HSPG2: variants seen among roughly 807,000 people sequenced by gnomAD.
The protein encoded by HSPG2 is basement membrane-specific heparan sulfate proteoglycan core protein.
HSPG2 carries 278 observed loss-of-function variants against 526.6 expected under a neutral mutation model. The observed-to-expected ratio is 0.53, with a 90% CI of 0.48 to 0.58. The LOEUF is 0.58. HSPG2 is among the 20% of genes least tolerant of loss of function. The pLI is 0.00. For synonymous variants in HSPG2, 2,465 were observed against 2,555.4 expected, an observed-to-expected ratio of 0.96 and a Z score of 1.07; for missense variants, 5,354 against 6,099.5, an observed-to-expected ratio of 0.88 and a Z score of 4.07.
In HSPG2 at chr1:21,851,830, C is replaced by T. The variant is rs2152719791; in HGVS notation, c.6967G>A (p.Val2323Ile). The T allele has an allele frequency of 6.2e-7, 1 of 1,613,656 alleles. No individual in the cohort carries two copies. The highest frequency in any genetic ancestry group is 8.5e-7 in the Non-Finnish European group (1 of 1,179,958). ...GCCCCCTGGGTCCCAGTTACTGTGACCGTGATGGAGGCCTCCATGCCGTTG... is the reference window on the plus strand; with the variant it reads ...GCCCCCTGGGTCCCAGTTACTGTGATCGTGATGGAGGCCTCCATGCCGTTG... The part of the protein sequence containing the change: ...ASNGMEASIT[V>I]TVTGTQGANL... The change falls in exon 54 of 97, where the codon GTC (valine) becomes ATC (isoleucine). Residue 2323 changes from valine to isoleucine, a missense_variant. Val to Ile is a conservative substitution (Grantham distance 29). Transcript: ENST00000374695.
At chr1:21,844,088 G>T in intron 65 of HSPG2, 60 bp downstream of exon 65, 1 of 1,596,280 alleles carries the variant, frequency 6.3e-7, no homozygotes, top group Non-Finnish European at 8.6e-7. Flanking sequence ...TTCAACGCTG[G>T]ATTCAGGCAG....
rs746070934 is a variant in HSPG2 at position 21,831,088 on chromosome 1, A to G, written c.11565T>C (p.Asn3855=). 11 of 1,605,526 alleles carry G rather than the reference A, an allele frequency of 6.9e-6. No individual in the cohort carries two copies. In the Admixed American group the frequency reaches 1.9e-4, roughly 28 times the overall value. The part of the protein sequence containing the change: ...CPTCRDRPCQ[N]GGQCHDSESS... ...TCTCAGAGTCATGGCACTGACCGCC[A>G]TTCTGCAAAGCAGCCCCCAGAAGTA... The change falls in exon 85 of 97, where the codon AAT becomes AAC. Residue 3855 remains asparagine, a splice_region_variant and synonymous_variant. Transcript: ENST00000374695.
intron 1 of HSPG2, among the ~76,000 whole-genome samples, chr1:21,905,652 G>T (rs1643342585): frequency 6.6e-6 from 1 of 152,246 alleles, no homozygotes; most frequent in Non-Finnish European, 1.5e-5. Flanking sequence ...TGAGGCAGGA[G>T]AATCACTTGA....
At chr1:21,862,453 G>A (rs1375704644) in intron 37 of HSPG2, among the ~76,000 whole-genome samples, 1 of 151,934 alleles carries the variant, frequency 6.6e-6, no homozygotes, top group Non-Finnish European at 1.5e-5. Flanking sequence ...GTATGGTGGT[G>A]TGCGTCTGTA....
Position 21,828,922 on chromosome 1 carries a change from G to T in HSPG2, c.12150C>A (p.Thr4050=). 1 of 1,566,794 alleles carries T rather than the reference G, an allele frequency of 6.4e-7. No individual in the cohort carries two copies. The highest frequency in any genetic ancestry group is 1.7e-4 in the Middle Eastern group (1 of 5,932). ...PGKSQGLNLH[T]LLYLGGVEPS... ...GCTCCACACCCCCCAGGTAGAGCAG[G>T]GTGTGCAGGTTGAGGCCCTGGCTCT... Residue 4050 remains threonine, a synonymous_variant, in exon 88 of 97, where the codon ACC becomes ACA. Coordinates refer to ENST00000374695, the MANE Select transcript of HSPG2 (RefSeq NM_005529.7). This position sits in a 1 kb window ranked among gnomAD's most constrained non-coding sequence, Gnocchi z 6.0.
rs750267642 is a variant in HSPG2, at chr1:21,847,353, C to G, written c.8164+1G>C. 6.2e-7 allele frequency: 1 copy of G among 1,613,992 alleles called. No individual in the cohort carries two copies. Among genetic ancestry groups the G allele is most frequent in the South Asian group, 1.1e-5 (1 of 91,084 alleles). On this transcript the variant is annotated splice_donor_variant, in intron 62 of 96. Transcript: ENST00000374695. LOFTEE classifies it high-confidence loss of function. The surrounding 1 kb of genome is among the most constrained non-coding windows in gnomAD (Gnocchi z 4.1). ...CTCGTCCCTTTCCTAGGCAGACTCA[C>G]CGGAGGGGCTGCCGGCGCTAGGGGA...
At position 21,841,620 on chromosome 1, in the gene HSPG2, G is replaced by T; in HGVS notation, c.9247C>A (p.Pro3083Thr). Reference sequence around the variant, plus strand: ...CAGCGGTAGGTACCGTGGTTGCTGGGCCGGGTGCCCACGATGGTGATGATG... The same window carrying T: ...CAGCGGTAGGTACCGTGGTTGCTGGTCCGGGTGCCCACGATGGTGATGATG... ...GSIITIVGTR[P>T]SNHGTYRCVA... The change falls in exon 70 of 97, where the codon CCC (proline) becomes ACC (threonine). Residue 3083 changes from proline to threonine, a missense_variant. Transcript: ENST00000374695. 1 of 1,614,210 alleles carries T rather than the reference G, an allele frequency of 6.2e-7. No individual in the cohort carries two copies. Among genetic ancestry groups the T allele is most frequent in the African/African-American group, 1.3e-5 (1 of 75,054 alleles).
chr1:21,886,630 G>C (rs989482104), intron 9 of HSPG2, among the ~76,000 whole-genome samples: 9 of 152,166 alleles, frequency 5.9e-5, no homozygotes, highest in Non-Finnish European at 7.3e-5. Context: ...TAATGTCCAT[G>C]ACTGGAAAAG....
intron 75 of HSPG2, 123 bp from the exon 76 acceptor site, chr1:21,835,760 C>T (rs71636991): frequency 1.4e-6 from 1 of 690,770 alleles, no homozygotes; most frequent in South Asian, 1.5e-5. Context: ...GAGGCAGGCG[C>T]ATCACTTGAG....
Position 21,839,709 on chromosome 1 carries a change from C to T in HSPG2, c.9709+113G>A. On this transcript the variant is annotated intron_variant, in intron 72 of 96. Transcript: ENST00000374695. The surrounding 1 kb of genome is among the most constrained non-coding windows in gnomAD (Gnocchi z 4.5). ...CTGGGGGATGCTAGCAACACGGTCT[C>T]CCCGTACTCCCCACCCCTGGGCATG... The T allele has an allele frequency of 2.9e-6, 4 of 1,394,166 alleles. No individual in the cohort carries two copies. In the South Asian group the frequency reaches 4.8e-5, roughly 17 times the overall value. 86.4% of individuals were successfully genotyped at this position (1,394,166 alleles called of 1,614,324 possible). A position where few individuals can be genotyped will look rare whatever the true frequency, so the allele number is the denominator to read the frequency against.
At chr1:21,888,786 G>T in intron 6 of HSPG2, 1 of 1,152,200 alleles carries the variant, frequency 8.7e-7, no homozygotes, top group Non-Finnish European at 1.2e-6. Flanking sequence ...GCAGGGCTGG[G>T]CCACATTCCA....
At position 21,854,876 on chromosome 1, in the gene HSPG2, C is replaced by G; in HGVS notation, c.6105G>C (p.Gln2035His). 1 of 1,614,174 alleles carries G rather than the reference C, an allele frequency of 6.2e-7. No homozygotes were observed. Among genetic ancestry groups the G allele is most frequent in the Middle Eastern group, 1.6e-4 (1 of 6,062 alleles). Residue 2035 changes from glutamine to histidine, a missense_variant, in exon 48 of 97, where the codon CAG becomes CAC. Gln to His is a conservative substitution (Grantham distance 24). Coordinates refer to ENST00000374695, the MANE Select transcript of HSPG2 (RefSeq NM_005529.7). The stretch of plus-strand genomic sequence containing the variant: ...AAAGGACAACCACTTGGATCCGGGC[C>G]TGGGCAGTGCCTGCAGGGCTGGTGG... Reference protein sequence around the residue: ...CVATSPAGTAQARIQVVVLSA... With the variant: ...CVATSPAGTAHARIQVVVLSA...
intron 55 of HSPG2, chr1:21,851,273 G>T (rs1198533760): frequency 5.7e-6 from 3 of 522,576 alleles, no homozygotes; most frequent in Non-Finnish European, 1.0e-5. Flanking sequence ...GTGCCCGGCT[G>T]GTACGTACCA....
At chr1:21,833,247 C>G (rs1158122194) in intron 80 of HSPG2, 21 bp downstream of exon 80, 3 of 1,605,634 alleles carry the variant, frequency 1.9e-6, no homozygotes, top group Non-Finnish European at 2.6e-6. Flanking sequence ...GCCCACCCCG[C>G]AAATTAACCC....
rs1013165322 is a variant in HSPG2, at chr1:21,858,903, G to A, written c.5293+663C>T. On this transcript the variant is annotated intron_variant, in intron 42 of 96. Coordinates refer to ENST00000374695, the MANE Select transcript of HSPG2 (RefSeq NM_005529.7). This position sits in a 1 kb window ranked among gnomAD's most constrained non-coding sequence, Gnocchi z 4.2. ...GACTTTGAGGTGCGTGTTTTACACC[G>A]GCTCCCTTTAAAAGCTTCCTCGGTT... is the stretch of plus-strand genomic sequence containing the variant. 6.6e-6 allele frequency among the ~76,000 whole-genome samples: 1 copy of A among 151,716 alleles called. No individual in the cohort carries two copies. The highest frequency in any genetic ancestry group is 1.9e-4 in the East Asian group (1 of 5,148).
chr1:21,886,973 C>T (rs1257529317), intron 9 of HSPG2, among the ~76,000 whole-genome samples: 1 of 152,214 alleles, frequency 6.6e-6, no homozygotes, highest in Non-Finnish European at 1.5e-5. Context: ...GCTAACCACA[C>T]AGCTTCACCA....
At chr1:21,899,243 G>C (rs1338399845) in intron 1 of HSPG2, among the ~76,000 whole-genome samples, 1 of 152,238 alleles carries the variant, frequency 6.6e-6, no homozygotes, top group African/African-American at 2.4e-5. Context: ...AGATCAAAAG[G>C]TTCCAGGAGC....
chr1:21,872,093 AT>A lies in HSPG2; in HGVS notation c.4221+92del, dbSNP rs1640695482. 7.3e-7 allele frequency: 1 copy of A among 1,366,442 alleles called. No individual in the cohort carries two copies. Among genetic ancestry groups the A allele is most frequent in the South Asian group, 1.3e-5 (1 of 79,826 alleles). The allele number at this position is 1,366,442 out of a possible 1,614,324, so 84.6% of individuals were successfully genotyped here. ...CCACGTGCCTAACCACGATATGGCC[AT>A]GCAGGTGGCAGGTGCCTGCCTGCTG... On this transcript the variant is annotated intron_variant, in intron 33 of 96. Coordinates refer to ENST00000374695, the MANE Select transcript of HSPG2 (RefSeq NM_005529.7). This position sits in a 1 kb window ranked among gnomAD's most constrained non-coding sequence, Gnocchi z 5.5.
rs1401108294 is a variant in HSPG2 at position 21,822,628 on chromosome 1, T to C, written c.*688A>G. On this transcript the variant is annotated 3_prime_UTR_variant, in exon 97 of 97. Transcript: ENST00000374695. Reference sequence around the variant, plus strand: ...TGCCTGTAGCAGCTCCTGGTAAGAGTTGGGGTGGGCCTTCCCTTACAGCCC... The same window carrying C: ...TGCCTGTAGCAGCTCCTGGTAAGAGCTGGGGTGGGCCTTCCCTTACAGCCC... 9.9e-6 allele frequency: 2 copies of C among 202,716 alleles called. No homozygotes were observed. The highest frequency in any genetic ancestry group is 2.0e-5 in the Non-Finnish European group (2 of 98,584). 12.6% of individuals were successfully genotyped at this position (202,716 alleles called of 1,614,324 possible). A position where few individuals can be genotyped will look rare whatever the true frequency, so the allele number is the denominator to read the frequency against.
Sources: allele counts gnomAD v4.1 joint callset (sites outside exome capture counted in the v4.1 genomes callset), GRCh38; gene constraint gnomAD v4.1.1; non-coding constraint Gnocchi (gnomAD v3.1); transcripts MANE v1.5; gene names NCBI Gene and HGNC (gene_info 2026-07-23, HGNC 2026-07-21).